The following LRIG1 variants were observed in gnomAD, a reference collection of about 807,000 sequenced individuals.
LRIG1 encodes leucine rich repeats and immunoglobulin like domains 1.
LRIG1 carries 48 observed loss-of-function variants against 99.2 expected under a neutral mutation model. That is an observed-to-expected ratio of 0.48 (90% CI 0.38 to 0.62). The LOEUF (loss-of-function observed/expected upper bound fraction) is 0.62, where lower values mean the gene tolerates loss of function less well. Among genes scored for constraint, LRIG1 ranks in the 20% least tolerant of loss-of-function variants. LRIG1 has a pLI of 0.00. For missense variants in LRIG1, 1,646 were observed against 1,434.4 expected (o/e 1.15, Z -2.38); for synonymous variants, 772 against 596.1 (o/e 1.29, Z -4.30).
intron 11 of LRIG1, among the ~76,000 whole-genome samples, chr3:66,396,834 G>A (rs570921490): frequency 1.3e-5 from 2 of 152,356 alleles, no homozygotes; most frequent in South Asian, 4.1e-4. Flanking sequence ...CCCACCGCTT[G>A]TCTTCTACAA....
At chr3:66,401,708 A>T (rs760203647) in intron 9 of LRIG1, 8 of 1,485,904 alleles carry the variant, frequency 5.4e-6, no homozygotes, top group Non-Finnish European at 7.2e-6. Context: ...GAGAGGCGGG[A>T]TTATGGGCTG....
intron 7 of LRIG1, among the ~76,000 whole-genome samples, chr3:66,408,611 C>T (rs977201996): frequency 6.6e-6 from 1 of 152,122 alleles, no homozygotes; most frequent in African/African-American, 2.4e-5. Flanking sequence ...AGAGGATGGC[C>T]CCTCACTTTA....
At chr3:66,387,447 C>T (rs1227593518) in intron 12 of LRIG1, 1 of 152,092 alleles carries the variant, frequency 6.6e-6, no homozygotes, top group Non-Finnish European at 1.5e-5. Flanking sequence ...GTTGTGGTGA[C>T]TTCTCTGTCC....
chr3:66,424,957 G>A (rs111798667), intron 3 of LRIG1, among the ~76,000 whole-genome samples: 1 of 152,226 alleles, frequency 6.6e-6, no homozygotes, highest in African/African-American at 2.4e-5. Flanking sequence ...ACTAGGCTAG[G>A]TTGTGGTATT....
chr3:66,449,309 C>T (rs1471151393), intron 3 of LRIG1, among the ~76,000 whole-genome samples: 1 of 152,208 alleles, frequency 6.6e-6, no homozygotes, highest in Non-Finnish European at 1.5e-5. Flanking sequence ...CAAGATAAAG[C>T]CCCTTCGGTT....
intron 1 of LRIG1, among the ~76,000 whole-genome samples, chr3:66,496,747 A>C (rs1202553483): frequency 3.9e-5 from 6 of 152,212 alleles, no homozygotes; most frequent in African/African-American, 1.4e-4. Flanking sequence ...TAAAAAAAAA[A>C]CATGAATCTC....
At chr3:66,485,567 T>C (rs904704168) in intron 1 of LRIG1, among the ~76,000 whole-genome samples, 3 of 152,144 alleles carry the variant, frequency 2.0e-5, no homozygotes, top group Non-Finnish European at 2.9e-5. Flanking sequence ...CCAACAAATA[T>C]ACACGCATTT....
At chr3:66,411,844 A>C (rs1702478813) in intron 6 of LRIG1, among the ~76,000 whole-genome samples, 1 of 151,100 alleles carries the variant, frequency 6.6e-6, no homozygotes, top group East Asian at 1.9e-4. Context: ...GGAAGGAACA[A>C]CCAGCAAAGC....
At chr3:66,417,375 C>T (rs1319509464) in intron 3 of LRIG1, 109 bp from the exon 4 acceptor site, 61 of 1,126,884 alleles carry the variant, frequency 5.4e-5, no homozygotes, top group Admixed American at 2.6e-4. Context: ...AATGCAGTGA[C>T]GCTCTTAAAA....
chr3:66,397,158 G>A (rs190781514), intron 11 of LRIG1, among the ~76,000 whole-genome samples: 1 of 152,310 alleles, frequency 6.6e-6, no homozygotes, highest in African/African-American at 2.4e-5. Flanking sequence ...GAACATCACA[G>A]GGCAAGTGCC....
intron 1 of LRIG1, among the ~76,000 whole-genome samples, chr3:66,470,378 T>C (rs1683808887): frequency 4.6e-5 from 7 of 152,178 alleles, no homozygotes. Flanking sequence ...CAGCTAAGCC[T>C]AGAAGAAGAG....
intron 7 of LRIG1, 133 bp downstream of exon 7, chr3:66,409,996 T>TG (rs1350143302): frequency 1.1e-6 from 1 of 903,980 alleles, no homozygotes; most frequent in Non-Finnish European, 1.7e-6. Context: ...CTGGCTGGTT[T>TG]GGGAACAGGG....
intron 1 of LRIG1, among the ~76,000 whole-genome samples, chr3:66,494,314 C>T (rs1701179466): frequency 6.6e-6 from 1 of 152,198 alleles, no homozygotes; most frequent in African/African-American, 2.4e-5. Context: ...CTTTCAACCC[C>T]TTCACCGCCA....
intron 6 of LRIG1, among the ~76,000 whole-genome samples, chr3:66,411,542 G>A (rs1008929466): frequency 6.6e-6 from 1 of 152,184 alleles, no homozygotes; most frequent in Non-Finnish European, 1.5e-5. Context: ...AACAAAGGGT[G>A]GAGAATGGGT....
At position 66,500,469 on chromosome 3, in the gene LRIG1, A is replaced by T. The variant is rs1243886107; in HGVS notation, c.-62T>A. The T allele has an allele frequency of 9.5e-7, 1 of 1,049,976 alleles. No homozygotes were observed. Among genetic ancestry groups the T allele is most frequent in the South Asian group, 2.6e-5 (1 of 38,188 alleles). The allele number at this position is 1,049,976 out of a possible 1,614,324, so 65.0% of individuals were successfully genotyped here. On this transcript the variant is annotated 5_prime_UTR_variant, in exon 1 of 19. Transcript: ENST00000273261. ...ACTGTGAGGACCCGAACGGCCGCAG[A>T]CGCGGGCGGGCCCGCGGGGCGCTCC...
intron 5 of LRIG1, among the ~76,000 whole-genome samples, chr3:66,413,635 A>G (rs1321287842): frequency 2.0e-5 from 3 of 152,192 alleles, no homozygotes; most frequent in African/African-American, 7.2e-5. Context: ...AGATGTCAGG[A>G]ATCTGGGTGG....
At chr3:66,442,988 AAG>A (rs1703593575) in intron 3 of LRIG1, among the ~76,000 whole-genome samples, 1 of 152,098 alleles carries the variant, frequency 6.6e-6, no homozygotes, top group African/African-American at 2.4e-5. Context: ...AAGGAAAGAA[AAG>A]AGAGAAGGAA....
At chr3:66,381,250 C>CTTATACATCTAGAAAA (rs1701042905) in intron 17 of LRIG1, among the ~76,000 whole-genome samples, 1 of 152,148 alleles carries the variant, frequency 6.6e-6, no homozygotes, top group South Asian at 2.1e-4. Flanking sequence ...ATTTAAGTTG[C>CTTATACATCTAGAAAA]TTATACATCT....
intron 2 of LRIG1, among the ~76,000 whole-genome samples, chr3:66,459,001 C>A (rs975861941): frequency 7.5e-6 from 1 of 133,180 alleles, no homozygotes; most frequent in Non-Finnish European, 1.6e-5. Flanking sequence ...GAGATAAGAG[C>A]GAAACTCCAT....
Sources: gnomAD v4.1 joint callset for allele counts (sites outside exome capture counted in the v4.1 genomes callset) on GRCh38, gnomAD v4.1.1 for gene constraint, MANE v1.5 for transcripts, NCBI Gene and HGNC (gene_info 2026-07-23, HGNC 2026-07-21) for gene names.